NOTO: variants seen among roughly 807,000 people sequenced by gnomAD.
NOTO encodes homeobox protein notochord.
NOTO carries 19 observed loss-of-function variants against 20.5 expected under a neutral mutation model. The observed-to-expected ratio is 0.93, with a 90% CI of 0.65 to 1.36. The LOEUF (loss-of-function observed/expected upper bound fraction) is 1.36, where lower values mean the gene tolerates loss of function less well. NOTO is among the 40% of genes most tolerant of loss of function. NOTO has a pLI of 0.00. For synonymous variants in NOTO, 150 were observed against 150.2 expected (o/e 1.00, Z 0.01); for missense variants, 369 against 336.2 (o/e 1.10, Z -0.76).
Position 73,206,786 on chromosome 2 carries a change from GC to G in NOTO, c.383-1613del, listed in dbSNP as rs1317534762. On this transcript the variant is annotated intron_variant, in intron 1 of 2. Transcript: ENST00000398468. ...TGGCAGAGCTAGGATTCCAACTAGA[GC>G]TTTTTTTTTTTTTTTTTTTTTTTTT... Among the ~76,000 whole-genome samples the G allele has an allele frequency of 2.3e-4, 27 of 118,270 alleles. 1 individual carries two copies. The highest frequency in any genetic ancestry group is 9.3e-4 in the African/African-American group (27 of 29,144). 77.6% of individuals were successfully genotyped at this position (118,270 alleles called of 152,430 possible).
intron 1 of NOTO, among the ~76,000 whole-genome samples, chr2:73,204,600 T>C (rs1686061263): frequency 6.6e-6 from 1 of 152,200 alleles, no homozygotes; most frequent in African/African-American, 2.4e-5. Flanking sequence ...TGCCCATCAC[T>C]CCCAGTCACC....
Position 73,202,939 on chromosome 2 carries a change from C to T in NOTO, c.273C>T (p.Pro91=), listed in dbSNP as rs1372190494. 1.3e-6 allele frequency: 2 copies of T among 1,517,678 alleles called. No homozygotes were observed. The highest frequency in any genetic ancestry group is 1.8e-6 in the Non-Finnish European group (2 of 1,136,632). The allele number at this position is 1,517,678 out of a possible 1,614,324, so 94.0% of individuals were successfully genotyped here. A position where few individuals can be genotyped will look rare whatever the true frequency, so the allele number is the denominator to read the frequency against. ...AASLCATGGL[P]WACPTSWLPA... ...CCCTGTGCGCCACCGGGGGTCTGCC[C>T]TGGGCTTGCCCGACATCGTGGCTGC... Residue 91 remains proline, a synonymous_variant, in exon 1 of 3, where the codon CCC becomes CCT. Transcript: ENST00000398468.
Position 73,208,472 on chromosome 2 carries a change from CTG to C in NOTO, c.456_457del (p.Arg154ThrfsTer10), listed in dbSNP as rs1686119528. On this transcript the variant is annotated frameshift_variant, in exon 2 of 3. Coordinates refer to ENST00000398468, the MANE Select transcript of NOTO (RefSeq NM_001134462.2). LOFTEE classifies it high-confidence loss of function. The stretch of plus-strand genomic sequence containing the variant: ...GCCCCAACGGAGGACCTACAGGACA[CTG>C]AGAGACAGCAAAAGAGAGTCCGAAC... 1.9e-6 allele frequency: 3 copies of C among 1,551,508 alleles called. No individual in the cohort carries two copies. Among genetic ancestry groups the C allele is most frequent in the Non-Finnish European group, 2.6e-6 (3 of 1,146,920 alleles).
Position 73,202,713 on chromosome 2 carries a change from G to C in NOTO, c.47G>C (p.Gly16Ala). The change falls in exon 1 of 3, where the codon GGC becomes GCC. Residue 16 changes from glycine (G) to alanine (A), a missense_variant. Transcript: ENST00000398468. ...PRGSPPPAPS[G>A]SRVRPPRSGR... ...GGCAGCCCGCCACCCGCTCCCTCGG[G>C]CTCTCGGGTCCGACCTCCGCGCTCT... is the stretch of plus-strand genomic sequence containing the variant. The C allele has an allele frequency of 2.0e-6, 3 of 1,515,854 alleles. No individual in the cohort carries two copies. Among genetic ancestry groups the C allele is most frequent in the Non-Finnish European group, 2.6e-6 (3 of 1,138,254 alleles). 93.9% of individuals were successfully genotyped at this position (1,515,854 alleles called of 1,614,324 possible).
rs1292772111 is a variant in NOTO at position 73,211,548 on chromosome 2, C to T, written c.*619C>T. 6.6e-6 allele frequency: 1 copy of T among 152,438 alleles called. No individual in the cohort carries two copies. Among genetic ancestry groups the T allele is most frequent in the Non-Finnish European group, 1.5e-5 (1 of 68,182 alleles). The allele number at this position is 152,438 out of a possible 1,614,324, so 9.4% of individuals were successfully genotyped here. A position where few individuals can be genotyped will look rare whatever the true frequency, so the allele number is the denominator to read the frequency against. On this transcript the variant is annotated 3_prime_UTR_variant, in exon 3 of 3. Transcript: ENST00000398468. The stretch of plus-strand genomic sequence containing the variant: ...GCAGTGGCGCGATCTTGGCTCACCG[C>T]CACCTCCGCCTCCCGGGTTCAAGCG...
rs992509924 is a variant in NOTO, at chr2:73,212,154, C to T, written c.*1225C>T. 1.3e-5 allele frequency: 2 copies of T among 152,262 alleles called. No individual in the cohort carries two copies. Among genetic ancestry groups the T allele is most frequent in the African/African-American group, 4.8e-5 (2 of 41,414 alleles). The allele number at this position is 152,262 out of a possible 1,614,324, so 9.4% of individuals were successfully genotyped here. A position where few individuals can be genotyped will look rare whatever the true frequency, so the allele number is the denominator to read the frequency against. On this transcript the variant is annotated 3_prime_UTR_variant, in exon 3 of 3. Transcript: ENST00000398468. ...TACCATTCTCAGAAGAAGCTCAGGCCCAGCAGCAAAGACAAGGACTCGCTC... is the reference window on the plus strand; with the variant it reads ...TACCATTCTCAGAAGAAGCTCAGGCTCAGCAGCAAAGACAAGGACTCGCTC...
chr2:73,206,839 G>C (rs555858009), intron 1 of NOTO, among the ~76,000 whole-genome samples: 1 of 137,434 alleles, frequency 7.3e-6, no homozygotes, highest in South Asian at 2.3e-4. Flanking sequence ...CTATCACCCA[G>C]GCTGGAATAC....
chr2:73,204,887 AT>A (rs56302001), intron 1 of NOTO, among the ~76,000 whole-genome samples: 36,875 of 104,888 alleles, frequency 0.35, 6,380 homozygotes, highest in Admixed American at 0.49. Flanking sequence ...TTATTTTTTT[AT>A]TTTTTTTTTT....
rs1231275256 is a variant in NOTO, at chr2:73,211,124, C to T, written c.*195C>T. 6.2e-5 allele frequency: 34 copies of T among 546,846 alleles called. No individual in the cohort carries two copies. In the South Asian group the frequency reaches 6.4e-4, roughly 10 times the overall value. 33.9% of individuals were successfully genotyped at this position (546,846 alleles called of 1,614,324 possible). ...AATGATTGGAGGCACAGACTCTGGC[C>T]TTCAGCTATGTCCTTGGCCAACCTA... On this transcript the variant is annotated 3_prime_UTR_variant, in exon 3 of 3. Transcript: ENST00000398468.
intron 1 of NOTO, among the ~76,000 whole-genome samples, chr2:73,205,770 G>T (rs1294015955): frequency 6.6e-6 from 1 of 151,916 alleles, no homozygotes; most frequent in African/African-American, 2.4e-5. Context: ...TGAGTAGCAG[G>T]GACCACAGGC....
At position 73,210,976 on chromosome 2, in the gene NOTO, TG is replaced by T; in HGVS notation, c.*52del. ...CCAGGCTGCCTGGACTAGTTCCTCC[TG>T]GGGGTACCCACTGGAGCTCCCTGCC... On this transcript the variant is annotated 3_prime_UTR_variant, in exon 3 of 3. Coordinates refer to ENST00000398468, the MANE Select transcript of NOTO (RefSeq NM_001134462.2). The T allele has an allele frequency of 6.8e-7, 1 of 1,480,146 alleles. No individual in the cohort carries two copies. Among genetic ancestry groups the T allele is most frequent in the Non-Finnish European group, 9.1e-7 (1 of 1,094,712 alleles). 91.7% of individuals were successfully genotyped at this position (1,480,146 alleles called of 1,614,324 possible).
Position 73,203,039 on chromosome 2 carries a change from G to A in NOTO, c.373G>A (p.Gly125Ser). 7 of 1,397,082 alleles carry A rather than the reference G, an allele frequency of 5.0e-6. No individual in the cohort carries two copies. Among genetic ancestry groups the A allele is most frequent in the Non-Finnish European group, 5.6e-6 (6 of 1,078,878 alleles). The allele number at this position is 1,397,082 out of a possible 1,614,324, so 86.5% of individuals were successfully genotyped here. The part of the protein sequence containing the change: ...VAPVCGLLGF[G>S]VTGLELAHCS... Reference sequence around the variant, plus strand: ...TCCCGTCTGCGGCCTGCTGGGCTTCGGCGTCACAGGTACTGCGGTCCCGGC... The same window carrying A: ...TCCCGTCTGCGGCCTGCTGGGCTTCAGCGTCACAGGTACTGCGGTCCCGGC... Residue 125 changes from glycine to serine, a missense_variant, in exon 1 of 3, where the codon GGC becomes AGC. By Grantham distance (56) the Gly-to-Ser change is moderately conservative. Coordinates refer to ENST00000398468, the MANE Select transcript of NOTO (RefSeq NM_001134462.2).
In NOTO at chr2:73,212,338, G is replaced by A. The variant is rs1372771644; in HGVS notation, c.*1409G>A. The A allele has an allele frequency of 6.6e-6, 1 of 152,146 alleles. No homozygotes were observed. The highest frequency in any genetic ancestry group is 1.5e-5 in the Non-Finnish European group (1 of 68,040). The allele number at this position is 152,146 out of a possible 1,614,324, so 9.4% of individuals were successfully genotyped here. A position where few individuals can be genotyped will look rare whatever the true frequency, so the allele number is the denominator to read the frequency against. On this transcript the variant is annotated 3_prime_UTR_variant, in exon 3 of 3. Coordinates refer to ENST00000398468, the MANE Select transcript of NOTO (RefSeq NM_001134462.2). ...TTTTAACATTTTTTGTAGAGACAACGTCCACTTGTTGCCCAGGCTGGTCTT... is the reference window on the plus strand; with the variant it reads ...TTTTAACATTTTTTGTAGAGACAACATCCACTTGTTGCCCAGGCTGGTCTT...
At chr2:73,205,131 T>G (rs931035799) in intron 1 of NOTO, among the ~76,000 whole-genome samples, 1 of 152,088 alleles carries the variant, frequency 6.6e-6, no homozygotes, top group Non-Finnish European at 1.5e-5. Flanking sequence ...GTATTTCTTT[T>G]TCTGTGAACT....
At position 73,211,208 on chromosome 2, in the gene NOTO, A is replaced by G. The variant is rs1686175412; in HGVS notation, c.*279A>G. On this transcript the variant is annotated 3_prime_UTR_variant, in exon 3 of 3. Transcript: ENST00000398468. ...AATGGGTGCATTCATAACTTAGATC[A>G]CCCAGGGGTGAGAAGATGTCTGTAA... The G allele has an allele frequency of 2.8e-6, 1 of 356,946 alleles. No homozygotes were observed. Among genetic ancestry groups the G allele is most frequent in the Non-Finnish European group, 5.1e-6 (1 of 196,606 alleles). 22.1% of individuals were successfully genotyped at this position (356,946 alleles called of 1,614,324 possible).
chr2:73,208,705 T>A, intron 2 of NOTO, 91 bp downstream of exon 2: 1 of 816,280 alleles, frequency 1.2e-6, no homozygotes, highest in Non-Finnish European at 2.0e-6. Flanking sequence ...GAGGAAGATA[T>A]GGGCCCTCTT....
At chr2:73,210,685 G>A in intron 2 of NOTO, 86 bp from the exon 3 acceptor site, 1 of 1,173,428 alleles carries the variant, frequency 8.5e-7, no homozygotes, top group East Asian at 2.6e-5. Context: ...ATATTGGCCA[G>A]GCAGAGAGGG....
chr2:73,206,445 C>T (rs1558547458), intron 1 of NOTO, among the ~76,000 whole-genome samples: 1 of 152,068 alleles, frequency 6.6e-6, no homozygotes, highest in Non-Finnish European at 1.5e-5. Context: ...CTCAAGTGAT[C>T]CTCCTGCTTC....
chr2:73,210,594 A>G (rs536489223), intron 2 of NOTO, among the ~76,000 whole-genome samples, 177 bp from the exon 3 acceptor site: 1 of 152,348 alleles, frequency 6.6e-6, no homozygotes, highest in African/African-American at 2.4e-5. Flanking sequence ...AAACTCAGTA[A>G]ATACTCAGAT....
Sources: gnomAD v4.1 joint callset for allele counts (sites outside exome capture counted in the v4.1 genomes callset) on GRCh38, gnomAD v4.1.1 for gene constraint, MANE v1.5 for transcripts, NCBI Gene and HGNC (gene_info 2026-07-23, HGNC 2026-07-21) for gene names.